The following PPP3CA variants were observed in gnomAD, a reference collection of about 807,000 sequenced individuals.
PPP3CA encodes the protein CAM-PRP catalytic subunit.
A neutral mutation model predicts 66.5 loss-of-function variants in PPP3CA; 14 were observed. The observed-to-expected ratio is 0.21, with a 90% CI of 0.14 to 0.33. PPP3CA has a LOEUF of 0.33. PPP3CA is among the 10% of genes least tolerant of loss of function. PPP3CA has a pLI of 1.00. For missense variants in PPP3CA, 317 were observed against 639.5 expected, an observed-to-expected ratio of 0.50 and a Z score of 5.44; for synonymous variants, 232 against 226.2, an observed-to-expected ratio of 1.03 and a Z score of -0.23.
intron 2 of PPP3CA, chr4:101,171,166 T>A (rs1393497079): frequency 2.2e-6 from 1 of 455,904 alleles, no homozygotes; most frequent in Non-Finnish European, 4.4e-6. Context: ...CTCCTTTCTG[T>A]GTCATTTGAA....
At chr4:101,296,520 T>C (rs1337303371) in intron 1 of PPP3CA, among the ~76,000 whole-genome samples, 3 of 152,024 alleles carry the variant, frequency 2.0e-5, no homozygotes, top group Non-Finnish European at 4.4e-5. Flanking sequence ...CCAGTTCATC[T>C]TTTTTGCTTT....
intron 1 of PPP3CA, among the ~76,000 whole-genome samples, chr4:101,238,910 T>C (rs2110231537): frequency 6.6e-6 from 1 of 152,226 alleles, no homozygotes; most frequent in African/African-American, 2.4e-5. Flanking sequence ...CTCATAATTA[T>C]TTTTAGGATC....
At chr4:101,156,101 C>T (rs1723310765) in intron 2 of PPP3CA, among the ~76,000 whole-genome samples, 1 of 152,148 alleles carries the variant, frequency 6.6e-6, no homozygotes. Flanking sequence ...CTCTATGATT[C>T]AATTATGCTT....
intron 10 of PPP3CA, among the ~76,000 whole-genome samples, chr4:101,059,984 A>T (rs1348717650): frequency 6.6e-6 from 1 of 152,140 alleles, no homozygotes; most frequent in South Asian, 2.1e-4. Context: ...CAAGGAAAAA[A>T]AGTCTGTATG....
At chr4:101,115,280 CA>C (rs1721804820) in intron 2 of PPP3CA, among the ~76,000 whole-genome samples, 3 of 151,860 alleles carry the variant, frequency 2.0e-5, no homozygotes. Flanking sequence ...ATATTGAGGA[CA>C]AAGAGGCCTT....
chr4:101,111,088 G>A (rs1276196976), intron 2 of PPP3CA, among the ~76,000 whole-genome samples: 1 of 152,088 alleles, frequency 6.6e-6, no homozygotes, highest in East Asian at 1.9e-4. Flanking sequence ...TTCTACCTAT[G>A]TATCTATTGA....
intron 9 of PPP3CA, among the ~76,000 whole-genome samples, chr4:101,062,284 A>G (rs1452824460): frequency 6.6e-6 from 1 of 152,046 alleles, no homozygotes; most frequent in African/African-American, 2.4e-5. Flanking sequence ...TTAAAAATTT[A>G]CTTTTGATTA....
intron 1 of PPP3CA, among the ~76,000 whole-genome samples, chr4:101,252,885 G>A (rs1398832881): frequency 6.6e-6 from 1 of 152,114 alleles, no homozygotes; most frequent in Non-Finnish European, 1.5e-5. Context: ...CTTAATATTT[G>A]GGGTAAAGTG....
At chr4:101,341,474 T>A (rs1396748091) in intron 1 of PPP3CA, among the ~76,000 whole-genome samples, 1 of 152,194 alleles carries the variant, frequency 6.6e-6, no homozygotes, top group Non-Finnish European at 1.5e-5. Flanking sequence ...CACTCATGGC[T>A]TTCAATGCTA....
At chr4:101,139,696 G>GTGTT (rs1553927959) in intron 2 of PPP3CA, among the ~76,000 whole-genome samples, 7 of 98,404 alleles carry the variant, frequency 7.1e-5, no homozygotes, top group African/African-American at 2.8e-4. Flanking sequence ...TTTTTTTTGT[G>GTGTT]TTTTTTTTTT....
At chr4:101,221,395 ACT>A (rs1284123273) in intron 1 of PPP3CA, among the ~76,000 whole-genome samples, 1 of 151,470 alleles carries the variant, frequency 6.6e-6, no homozygotes, top group Non-Finnish European at 1.5e-5. Context: ...AATGTTTCTA[ACT>A]CTGTCAGATC....
intron 2 of PPP3CA, among the ~76,000 whole-genome samples, chr4:101,128,144 T>G (rs1289963734): frequency 6.6e-6 from 1 of 152,184 alleles, no homozygotes; most frequent in Non-Finnish European, 1.5e-5. Context: ...CTATGTGCCC[T>G]GAGAGCTAAC....
intron 2 of PPP3CA, among the ~76,000 whole-genome samples, chr4:101,129,733 C>T (rs772088101): frequency 3.9e-5 from 6 of 152,162 alleles, no homozygotes; most frequent in Non-Finnish European, 8.8e-5. Flanking sequence ...ACAGAAACTC[C>T]ATCTGAAGGT....
chr4:101,183,385 T>TA (rs1724303738), intron 2 of PPP3CA, among the ~76,000 whole-genome samples: 2 of 152,252 alleles, frequency 1.3e-5, no homozygotes, highest in South Asian at 2.1e-4. Context: ...GACAAAAACT[T>TA]AGTGACTCAG....
At chr4:101,287,973 T>C (rs1727898735) in intron 1 of PPP3CA, among the ~76,000 whole-genome samples, 2 of 152,178 alleles carry the variant, frequency 1.3e-5, no homozygotes, top group Admixed American at 6.5e-5. Context: ...CCCAACCGTT[T>C]AAGTCAGACA....
At chr4:101,268,063 T>A (rs375131691) in intron 1 of PPP3CA, among the ~76,000 whole-genome samples, 2 of 151,952 alleles carry the variant, frequency 1.3e-5, no homozygotes, top group East Asian at 1.9e-4. Flanking sequence ...TTCCAGCTAC[T>A]TGGGAGGATG....
chr4:101,071,999 G>A (rs1728940353), intron 8 of PPP3CA, among the ~76,000 whole-genome samples: 1 of 152,138 alleles, frequency 6.6e-6, no homozygotes, highest in Admixed American at 6.5e-5. Flanking sequence ...TTAATTAAAT[G>A]TTTAAATGTG....
At chr4:101,279,883 A>C (rs886161796) in intron 1 of PPP3CA, among the ~76,000 whole-genome samples, 1 of 152,350 alleles carries the variant, frequency 6.6e-6, no homozygotes, top group South Asian at 2.1e-4. Context: ...TCCTTTAAGA[A>C]TAAGGGGCTG....
intron 10 of PPP3CA, among the ~76,000 whole-genome samples, chr4:101,051,009 T>C (rs1435516238): frequency 6.6e-6 from 1 of 152,258 alleles, no homozygotes; most frequent in East Asian, 1.9e-4. Context: ...GGACCCCAGA[T>C]TATGGCAAAC....
Sources: gnomAD v4.1 joint callset for allele counts (sites outside exome capture counted in the v4.1 genomes callset) on GRCh38, gnomAD v4.1.1 for gene constraint, MANE v1.5 for transcripts, NCBI Gene and HGNC (gene_info 2026-07-23, HGNC 2026-07-21) for gene names.